ADCY8: variants seen among roughly 807,000 people sequenced by gnomAD.
ADCY8 encodes adenylate cyclase 8.
ADCY8 carries 51 observed loss-of-function variants against 119.7 expected under a neutral mutation model. The observed-to-expected ratio is 0.43, with a 90% confidence interval of 0.34 to 0.54. The LOEUF (loss-of-function observed/expected upper bound fraction) is 0.54. ADCY8 is among the 20% of genes least tolerant of loss of function. The pLI is 0.03. For missense variants in ADCY8, 1,383 were observed against 1,598.8 expected (o/e 0.87, Z 2.30); for synonymous variants, 665 against 651.0 (o/e 1.02, Z -0.33).
intron 8 of ADCY8, among the ~76,000 whole-genome samples, chr8:130,884,293 T>C (rs1818895591): frequency 6.6e-6 from 1 of 152,214 alleles, no homozygotes; most frequent in South Asian, 2.1e-4. Context: ...AAGAAACTCT[T>C]GATGCTTACT....
chr8:130,899,855 GTC>G (rs766760981), intron 7 of ADCY8, among the ~76,000 whole-genome samples: 1 of 152,150 alleles, frequency 6.6e-6, no homozygotes, highest in African/African-American at 2.4e-5. Flanking sequence ...GAGATTCAAT[GTC>G]CATGTTGATA....
intron 1 of ADCY8, among the ~76,000 whole-genome samples, chr8:131,014,265 A>T (rs1239454617): frequency 1.3e-5 from 2 of 152,190 alleles, no homozygotes; most frequent in South Asian, 2.1e-4. Flanking sequence ...TTCACGTTTC[A>T]ATCAAATAAA....
chr8:130,928,186 C>T (rs1431676692), intron 5 of ADCY8, among the ~76,000 whole-genome samples: 1 of 152,188 alleles, frequency 6.6e-6, no homozygotes, highest in Non-Finnish European at 1.5e-5. Context: ...ATCTTCCCTC[C>T]TCAGCCTCCC....
At chr8:131,030,319 A>G (rs1451741712) in intron 1 of ADCY8, among the ~76,000 whole-genome samples, 1 of 152,164 alleles carries the variant, frequency 6.6e-6, no homozygotes, top group Non-Finnish European at 1.5e-5. Flanking sequence ...TGATGCTCAG[A>G]CAACTGATGA....
At chr8:130,943,560 G>C in intron 3 of ADCY8, 98 bp from the exon 4 acceptor site, 2 of 711,686 alleles carry the variant, frequency 2.8e-6, no homozygotes, top group Middle Eastern at 3.7e-4. Flanking sequence ...CAGATAAACT[G>C]TCTTTGTGGT....
intron 12 of ADCY8, among the ~76,000 whole-genome samples, chr8:130,825,275 CA>C (rs1159632976): frequency 6.6e-6 from 1 of 152,162 alleles, no homozygotes; most frequent in African/African-American, 2.4e-5. Flanking sequence ...TGCTATAGAA[CA>C]CTAAACATAC....
At chr8:130,799,483 T>G (rs886964856) in intron 15 of ADCY8, among the ~76,000 whole-genome samples, 5 of 152,118 alleles carry the variant, frequency 3.3e-5, no homozygotes, top group African/African-American at 1.2e-4. Context: ...TTTAGAGTGA[T>G]GTAGTAGTTG....
At chr8:130,836,132 A>C in intron 12 of ADCY8, 145 bp downstream of exon 12, 2 of 912,240 alleles carry the variant, frequency 2.2e-6, no homozygotes, top group Non-Finnish European at 3.2e-6. Context: ...TTGGACTTGT[A>C]AACTACAGAA....
chr8:130,856,827 CT>C (rs1262573212), intron 9 of ADCY8, among the ~76,000 whole-genome samples: 38 of 146,594 alleles, frequency 2.6e-4, no homozygotes, highest in African/African-American at 3.2e-4. Flanking sequence ...TTCTTGTCAT[CT>C]TTTTTTTTTG....
chr8:130,821,717 A>AT (rs1475121979), intron 12 of ADCY8, among the ~76,000 whole-genome samples: 1 of 152,162 alleles, frequency 6.6e-6, no homozygotes, highest in Non-Finnish European at 1.5e-5. Context: ...CATTTTATAG[A>AT]TTTTAAACAG....
At chr8:130,924,396 G>A (rs1820400912) in intron 5 of ADCY8, among the ~76,000 whole-genome samples, 1 of 152,212 alleles carries the variant, frequency 6.6e-6, no homozygotes, top group African/African-American at 2.4e-5. Context: ...CACACAGGCT[G>A]TAAGGGGACT....
rs113700433 is a variant in ADCY8, at chr8:130,980,153, G to A, written c.1110+10240C>T. Among the ~76,000 whole-genome samples, 736 of 152,140 alleles carry A rather than the reference G, an allele frequency of 4.8e-3. 5 individuals are homozygous for A. Among genetic ancestry groups the A allele is most frequent in the African/African-American group, 0.017 (697 of 41,502 alleles). On this transcript the variant is annotated intron_variant, in intron 2 of 17. Transcript: ENST00000286355. ...GTCTTCATGTGGTGCTCTTTTGTGC[G>A]TTTCCTGCTCCTGCCTCTGGGATTC...
chr8:130,971,914 T>A (rs749236906), intron 2 of ADCY8, among the ~76,000 whole-genome samples: 7 of 152,226 alleles, frequency 4.6e-5, no homozygotes, highest in Non-Finnish European at 8.8e-5. Context: ...ATCAACTTCA[T>A]CTTGAAAGCT....
intron 12 of ADCY8, among the ~76,000 whole-genome samples, chr8:130,824,191 G>A (rs1240631838): frequency 6.6e-6 from 1 of 152,114 alleles, no homozygotes; most frequent in African/African-American, 2.4e-5. Flanking sequence ...TTGCTTCTAT[G>A]ACACTCATAA....
intron 8 of ADCY8, among the ~76,000 whole-genome samples, chr8:130,869,348 C>T (rs1325249627): frequency 6.6e-6 from 1 of 151,998 alleles, no homozygotes. Context: ...TACCCAAGAA[C>T]AGGTCACAAT....
At chr8:130,816,556 G>C (rs1816353114) in intron 13 of ADCY8, among the ~76,000 whole-genome samples, 1 of 151,362 alleles carries the variant, frequency 6.6e-6, no homozygotes, top group African/African-American at 2.4e-5. Context: ...CCCCCGAGTA[G>C]CTGGGATCAC....
At chr8:131,001,641 T>TAC (rs1255034439) in intron 1 of ADCY8, among the ~76,000 whole-genome samples, 1 of 148,898 alleles carries the variant, frequency 6.7e-6, no homozygotes, top group Non-Finnish European at 1.5e-5. Context: ...TATATATATA[T>TAC]ACTGTATATG....
At chr8:130,792,984 G>A (rs929769726) in intron 15 of ADCY8, among the ~76,000 whole-genome samples, 4 of 152,124 alleles carry the variant, frequency 2.6e-5, no homozygotes, top group Non-Finnish European at 4.4e-5. Context: ...CTTCTTGCAT[G>A]TTGTGTGGCC....
At chr8:130,836,195 T>C (rs1430463278) in intron 12 of ADCY8, 82 bp downstream of exon 12, 1 of 1,423,372 alleles carries the variant, frequency 7.0e-7, no homozygotes, top group East Asian at 2.3e-5. Context: ...GTTTTAGTAA[T>C]GCAGCGGGCA....
Sources: allele counts gnomAD v4.1 joint callset (sites outside exome capture counted in the v4.1 genomes callset), GRCh38; gene constraint gnomAD v4.1.1; transcripts MANE v1.5; gene names NCBI Gene and HGNC (gene_info 2026-07-23, HGNC 2026-07-21).